FZD6: variants seen among roughly 807,000 people sequenced by gnomAD.
FZD6 encodes frizzled class receptor 6.
Under a neutral mutation model 61.4 loss-of-function variants are expected in FZD6, and 49 were observed. The ratio of observed to expected loss-of-function variants is 0.80; its 90% CI spans 0.63 to 1.01. The LOEUF (loss-of-function observed/expected upper bound fraction) is 1.01, where lower values mean the gene tolerates loss of function less well. Ranked by LOEUF, FZD6 falls within the 50% of genes least tolerant of loss-of-function variation. The probability of loss-of-function intolerance (pLI) is 0.00; values close to 1 mark genes in which losing one functional copy is unlikely to be tolerated. For synonymous variants in FZD6, 265 were observed against 292.2 expected, an observed-to-expected ratio of 0.91 and a Z score of 0.95; for missense variants, 724 against 848.2, an observed-to-expected ratio of 0.85 and a Z score of 1.82.
chr8:103,329,501 T>G (rs1815057618), intron 5 of FZD6, among the ~76,000 whole-genome samples, 154 bp from the exon 6 acceptor site: 1 of 152,174 alleles, frequency 6.6e-6, no homozygotes, highest in South Asian at 2.1e-4. Flanking sequence ...TATGTCCTAG[T>G]ATTTATAATC....
intron 2 of FZD6, among the ~76,000 whole-genome samples, chr8:103,310,087 T>C (rs1814450962): frequency 6.6e-6 from 1 of 152,162 alleles, no homozygotes; most frequent in Non-Finnish European, 1.5e-5. Context: ...CTCTGCGATA[T>C]CCTGAGCCTT....
At chr8:103,315,228 C>T (rs377617248) in intron 2 of FZD6, among the ~76,000 whole-genome samples, 5 of 152,272 alleles carry the variant, frequency 3.3e-5, no homozygotes, top group African/African-American at 1.2e-4. Flanking sequence ...TAATTTCAGC[C>T]AGTTATTTCA....
intron 2 of FZD6, among the ~76,000 whole-genome samples, chr8:103,305,325 G>T (rs2130271706): frequency 1.3e-5 from 2 of 151,832 alleles, no homozygotes; most frequent in South Asian, 4.2e-4. Context: ...TGGGCCAAAA[G>T]AAAAAAAACA....
In FZD6 at chr8:103,300,051, G is replaced by T; in HGVS notation, c.-57G>T. On this transcript the variant is annotated 5_prime_UTR_variant, in exon 2 of 7. The change abolishes the stop of an existing upstream ORF in the 5' untranslated region. Transcript: ENST00000358755. ...TTTTATCTTTGGATGGGGATCTTCT[G>T]AGGATGCAAAGAGTGATTCATCCAA... The T allele has an allele frequency of 2.0e-6, 2 of 994,038 alleles. No individual in the cohort carries two copies. Among genetic ancestry groups the T allele is most frequent in the Non-Finnish European group, 1.6e-6 (1 of 616,010 alleles). The allele number at this position is 994,038 out of a possible 1,614,324, so 61.6% of individuals were successfully genotyped here. A position where few individuals can be genotyped will look rare whatever the true frequency, so the allele number is the denominator to read the frequency against.
intron 2 of FZD6, among the ~76,000 whole-genome samples, chr8:103,302,785 G>C (rs1270719667): frequency 6.6e-6 from 1 of 152,046 alleles, no homozygotes; most frequent in Non-Finnish European, 1.5e-5. Flanking sequence ...CAAGTGCCTT[G>C]AATACAAAGT....
At position 103,328,338 on chromosome 8, in the gene FZD6, T is replaced by G. The variant is rs747394243; in HGVS notation, c.1463T>G (p.Ile488Ser). 6.2e-7 allele frequency: 1 copy of G among 1,611,632 alleles called. No individual in the cohort carries two copies. Among genetic ancestry groups the G allele is most frequent in the Non-Finnish European group, 8.5e-7 (1 of 1,177,808 alleles). ...IKYLMTLIVG[I>S]SAVFWVGSKK... ...TACCTGATGACATTAATTGTTGGCA[T>G]CTCTGCTGTCTTCTGGGTTGGAAGC... The change falls in exon 5 of 7, where the codon ATC (isoleucine) becomes AGC (serine). Residue 488 changes from isoleucine (I) to serine (S), a missense_variant. Physicochemically the swap from Ile to Ser is moderately radical, Grantham distance 142 (BLOSUM62 -2). Transcript: ENST00000358755.
At chr8:103,301,373 T>C (rs1286502671) in intron 2 of FZD6, among the ~76,000 whole-genome samples, 6 of 152,194 alleles carry the variant, frequency 3.9e-5, no homozygotes, top group African/African-American at 1.4e-4. Flanking sequence ...ACTGAGACTT[T>C]CATGAATCAG....
intron 2 of FZD6, among the ~76,000 whole-genome samples, chr8:103,313,760 C>CTGTGTGTGAGTG (rs1814558089): frequency 7.0e-6 from 1 of 142,736 alleles, no homozygotes; most frequent in African/African-American, 2.6e-5. Flanking sequence ...CTTGATTTTT[C>CTGTGTGTGAGTG]TGTGTGTGTG....
In FZD6 at chr8:103,300,339, A is replaced by G; in HGVS notation, c.177+55A>G. ...AGTAGTTTATGCTCTGTTCTAGAAT[A>G]AACTAGTAAAAATAAGTCTATTTTT... On this transcript the variant is annotated intron_variant, in intron 2 of 6. Transcript: ENST00000358755. 3.3e-6 allele frequency: 4 copies of G among 1,198,758 alleles called. No homozygotes were observed. The South Asian group carries it at 3.6e-5, about 11-fold the overall frequency. 74.3% of individuals were successfully genotyped at this position (1,198,758 alleles called of 1,614,324 possible).
chr8:103,299,410 T>C lies in FZD6; in HGVS notation c.-153+415T>C, dbSNP rs147161506. ...TTTCGACGGCAGCACTACACCCTCC[T>C]AGCCAGTGAAAACTGCAATGTTGCT... On this transcript the variant is annotated intron_variant, in intron 1 of 6. Coordinates refer to ENST00000358755, the MANE Select transcript of FZD6 (RefSeq NM_003506.4). Among the ~76,000 whole-genome samples the C allele has an allele frequency of 6.3e-3, 958 of 152,308 alleles. 16 individuals carry two copies. Among genetic ancestry groups the C allele is most frequent in the African/African-American group, 0.021 (879 of 41,566 alleles).
In FZD6 at chr8:103,331,323, T is replaced by C. The variant is rs200882901; in HGVS notation, c.1953-18T>C. 1 of 1,593,356 alleles carries C rather than the reference T, an allele frequency of 6.3e-7. No individual in the cohort carries two copies. Among genetic ancestry groups the C allele is most frequent in the Non-Finnish European group, 8.6e-7 (1 of 1,161,038 alleles). On this transcript the variant is annotated intron_variant, in intron 6 of 6. Transcript: ENST00000358755. ...TGTTTGTGGATGTGTGTGTGTCAAC[T>C]TTTTTTCTTTTATCTAGGATTAGTC...
chr8:103,329,623 T>C, intron 5 of FZD6, 32 bp from the exon 6 acceptor site: 1 of 1,525,712 alleles, frequency 6.6e-7, no homozygotes, highest in Non-Finnish European at 9.1e-7. Flanking sequence ...ACTTCTAATT[T>C]GAGTAAATCC....
chr8:103,328,115 T>C (rs1815005452), intron 4 of FZD6, among the ~76,000 whole-genome samples, 153 bp from the exon 5 acceptor site: 1 of 152,220 alleles, frequency 6.6e-6, no homozygotes, highest in Admixed American at 6.5e-5. Context: ...AAAAAATGTG[T>C]TGCACTTAGA....
intron 2 of FZD6, among the ~76,000 whole-genome samples, chr8:103,306,010 A>G (rs1814320501): frequency 6.6e-6 from 1 of 152,210 alleles, no homozygotes; most frequent in African/African-American, 2.4e-5. Context: ...ATGTACCTGA[A>G]TATGTAGCTC....
chr8:103,311,223 C>T (rs952767174), intron 2 of FZD6, among the ~76,000 whole-genome samples: 4 of 152,276 alleles, frequency 2.6e-5, no homozygotes, highest in Admixed American at 2.0e-4. Flanking sequence ...GATTACTGAT[C>T]GCATTGCAGC....
chr8:103,321,264 A>AT (rs1814779017), intron 3 of FZD6, among the ~76,000 whole-genome samples: 1 of 152,228 alleles, frequency 6.6e-6, no homozygotes, highest in Non-Finnish European at 1.5e-5. Flanking sequence ...AGTAGAATTC[A>AT]TTTTTTAAAA....
intron 2 of FZD6, chr8:103,308,025 G>A (rs1814390220): frequency 2.3e-6 from 1 of 443,808 alleles, no homozygotes; most frequent in Non-Finnish European, 4.5e-6. Flanking sequence ...GCTTAAGGTT[G>A]GTTACTGCTC....
At position 103,327,722 on chromosome 8, in the gene FZD6, C is replaced by T. The variant is rs1194387765; in HGVS notation, c.1393-546C>T. Among the ~76,000 whole-genome samples the T allele has an allele frequency of 3.9e-5, 6 of 151,952 alleles. No individual in the cohort carries two copies. The South Asian group carries it at 6.2e-4, about 16-fold the overall frequency. ...ATGCAGAGTATGTAATATCGTGACC[C>T]TTGTGCAATGTTTAAGGTTAGAATT... On this transcript the variant is annotated intron_variant, in intron 4 of 6. Coordinates refer to ENST00000358755, the MANE Select transcript of FZD6 (RefSeq NM_003506.4).
At position 103,329,988 on chromosome 8, in the gene FZD6, C is replaced by T. The variant is rs148684389; in HGVS notation, c.1875C>T (p.Ile625=). The T allele has an allele frequency of 6.2e-6, 10 of 1,614,002 alleles. No homozygotes were observed. In the African/African-American group the frequency reaches 1.2e-4, roughly 19 times the overall value. Residue 625 remains isoleucine (I), a synonymous_variant, in exon 6 of 7, where the codon ATC becomes ATT. Transcript: ENST00000358755. ...AACCTGCCTCGCCAGCAGCATCCATCTCCAGACTCTCTGGGGAACAGGTCG... is the reference window on the plus strand; with the variant it reads ...AACCTGCCTCGCCAGCAGCATCCATTTCCAGACTCTCTGGGGAACAGGTCG... The part of the protein sequence containing the change: ...CGEPASPAAS[I]SRLSGEQVDG...
Sources: gnomAD v4.1 joint callset for allele counts (sites outside exome capture counted in the v4.1 genomes callset) on GRCh38, gnomAD v4.1.1 for gene constraint, MANE v1.5 for transcripts, NCBI Gene and HGNC (gene_info 2026-07-23, HGNC 2026-07-21) for gene names.